The following PXDN variants were observed in gnomAD, a reference collection of about 807,000 sequenced individuals.
PXDN encodes peroxidasin homolog.
In PXDN, 77 loss-of-function variants were observed where a neutral mutation model predicts 140.3. That is an observed-to-expected ratio of 0.55 (90% confidence interval 0.46 to 0.66). PXDN has a LOEUF of 0.66. Ranked by LOEUF, PXDN falls within the 30% of genes least tolerant of loss-of-function variation. PXDN has a pLI of 0.00. For missense variants in PXDN, 1,838 were observed against 2,039.5 expected, an observed-to-expected ratio of 0.90 and a Z score of 1.90; for synonymous variants, 911 against 857.4, an observed-to-expected ratio of 1.06 and a Z score of -1.09.
intron 1 of PXDN, among the ~76,000 whole-genome samples, chr2:1,721,888 T>C (rs907159634): frequency 6.6e-6 from 1 of 152,076 alleles, no homozygotes; most frequent in South Asian, 2.1e-4. Flanking sequence ...AAATGAATCA[T>C]AAAATGGAAT....
intron 2 of PXDN, chr2:1,692,407 G>T: frequency 4.5e-6 from 2 of 439,716 alleles, no homozygotes. Flanking sequence ...CCTGTGGCCC[G>T]TGCTCCATTC....
intron 1 of PXDN, among the ~76,000 whole-genome samples, chr2:1,725,568 T>C (rs1425276530): frequency 1.3e-5 from 2 of 152,000 alleles, no homozygotes; most frequent in African/African-American, 4.8e-5. Context: ...AAAGCCAAAA[T>C]TGACAAATGG....
intron 1 of PXDN, among the ~76,000 whole-genome samples, chr2:1,740,015 G>A (rs1558534569): frequency 1.3e-5 from 2 of 152,068 alleles, no homozygotes; most frequent in Admixed American, 6.5e-5. Flanking sequence ...CGCATAGGGC[G>A]GAGAGGCCCC....
chr2:1,717,077 G>T (rs970543581), intron 1 of PXDN, among the ~76,000 whole-genome samples: 1 of 152,148 alleles, frequency 6.6e-6, no homozygotes, highest in African/African-American at 2.4e-5. Context: ...TCTGTATACT[G>T]ATGGGAAGAC....
At chr2:1,644,512 T>C (rs969248910) in intron 18 of PXDN, 106 bp downstream of exon 18, 12 of 1,282,158 alleles carry the variant, frequency 9.4e-6, no homozygotes, top group Admixed American at 2.7e-5. Flanking sequence ...CAGAAGACAC[T>C]AGGGCCTCGT....
chr2:1,743,568 C>A (rs1685598655), intron 1 of PXDN, among the ~76,000 whole-genome samples: 2 of 125,276 alleles, frequency 1.6e-5, no homozygotes, highest in African/African-American at 2.9e-5. Flanking sequence ...GCTTCCCCGG[C>A]GCGGGGGGAT....
At chr2:1,675,172 C>A (rs79876721) in intron 8 of PXDN, among the ~76,000 whole-genome samples, 3 of 152,096 alleles carry the variant, frequency 2.0e-5, no homozygotes, top group African/African-American at 4.8e-5. Flanking sequence ...CAATCCCCCC[C>A]ACCAGAAACA....
chr2:1,643,172 G>A (rs1682766863), intron 19 of PXDN, among the ~76,000 whole-genome samples, 196 bp downstream of exon 19: 4 of 152,152 alleles, frequency 2.6e-5, no homozygotes, highest in African/African-American at 9.7e-5. Context: ...CAATTCCTCA[G>A]AATCACCAAC....
intron 18 of PXDN, 86 bp from the exon 19 acceptor site, chr2:1,643,662 A>C: frequency 1.4e-6 from 2 of 1,401,704 alleles, no homozygotes; most frequent in Non-Finnish European, 2.0e-6. Flanking sequence ...TCCCCTGCTT[A>C]GTTCACAGCA....
intron 16 of PXDN, chr2:1,652,930 CTGTGTG>C (rs34590232): frequency 0.023 from 3,431 of 148,566 alleles, 90 homozygotes; most frequent in East Asian, 0.14. Flanking sequence ...CCTCCGTGCT[CTGTGTG>C]TGTGTGTGTG....
chr2:1,644,900 G>A, intron 17 of PXDN, 148 bp from the exon 18 acceptor site: 4 of 963,904 alleles, frequency 4.1e-6, no homozygotes, highest in Non-Finnish European at 5.6e-6. Flanking sequence ...CTTCTTTGCT[G>A]CATCTCTCCA....
At chr2:1,670,073 G>A (rs997134476) in intron 9 of PXDN, among the ~76,000 whole-genome samples, 1 of 152,050 alleles carries the variant, frequency 6.6e-6, no homozygotes, top group African/African-American at 2.4e-5. Context: ...TTGATTACAG[G>A]GCTCTGCTGA....
intron 9 of PXDN, among the ~76,000 whole-genome samples, chr2:1,669,501 T>C (rs941613408): frequency 2.6e-5 from 4 of 152,156 alleles, no homozygotes; most frequent in Admixed American, 6.5e-5. Context: ...AGAAACTTAA[T>C]CCATAGATAT....
chr2:1,635,731 C>T (rs1682537098), intron 21 of PXDN: 1 of 563,056 alleles, frequency 1.8e-6, no homozygotes, highest in Admixed American at 2.8e-5. Context: ...ATTCCCACCA[C>T]CGTGCTGTCA....
At chr2:1,668,603 CA>C (rs144731732) in intron 9 of PXDN, among the ~76,000 whole-genome samples, 4,042 of 136,266 alleles carry the variant, frequency 0.03, 169 homozygotes, top group African/African-American at 0.1. Flanking sequence ...AACAAATTTA[CA>C]AAAAAAAAAA....
chr2:1,708,101 G>A (rs984899708), intron 1 of PXDN, among the ~76,000 whole-genome samples: 3 of 152,152 alleles, frequency 2.0e-5, no homozygotes. Context: ...CCACCTCCCC[G>A]CCAAGTAAAC....
Position 1,651,138 on chromosome 2 carries a change from ATTTTC to A in PXDN, c.2105-1468_2105-1464del, listed in dbSNP as rs1683004946. Among the ~76,000 whole-genome samples the A allele has an allele frequency of 6.6e-6, 1 of 152,018 alleles. No homozygotes were observed. Among genetic ancestry groups the A allele is most frequent in the African/African-American group, 2.4e-5 (1 of 41,404 alleles). ...ACAGTGAGCTGAAACATCTGGCCCT[ATTTTC>A]ACAGCTACTCTTGGGAAGTCCTACA... is the stretch of plus-strand genomic sequence containing the variant. On this transcript the variant is annotated intron_variant, in intron 16 of 22. Transcript: ENST00000252804. This position sits in a 1 kb window ranked among gnomAD's most constrained non-coding sequence, Gnocchi z 4.4.
At chr2:1,744,638 G>C (rs1180563949), upstream of PXDN, 2 of 514,802 alleles carry the variant, frequency 3.9e-6, no homozygotes, top group Non-Finnish European at 5.7e-6. Flanking sequence ...GCGAGAACCC[G>C]GGGCCCCAGC....
intron 14 of PXDN, among the ~76,000 whole-genome samples, chr2:1,655,594 T>C (rs1469034688): frequency 6.6e-6 from 1 of 150,740 alleles, no homozygotes; most frequent in East Asian, 2.0e-4. Flanking sequence ...TGTCCCCTCC[T>C]GACAGGGACC....
Sources: allele counts gnomAD v4.1 joint callset (sites outside exome capture counted in the v4.1 genomes callset), GRCh38; gene constraint gnomAD v4.1.1; non-coding constraint Gnocchi (gnomAD v3.1); transcripts MANE v1.5; gene names NCBI Gene and HGNC (gene_info 2026-07-23, HGNC 2026-07-21).